The following NWD1 variants were observed in gnomAD, a reference collection of about 807,000 sequenced individuals.
NWD1 encodes NACHT and WD repeat domain containing 1.
NWD1 carries 129 observed loss-of-function variants against 135.1 expected under a neutral mutation model. The observed-to-expected ratio is 0.96, with a 90% CI of 0.83 to 1.11. The LOEUF (loss-of-function observed/expected upper bound fraction) is 1.11, where lower values mean the gene tolerates loss of function less well. Among genes scored for constraint, NWD1 ranks in the 50% least tolerant of loss-of-function variants. The pLI is 0.00. For synonymous variants in NWD1, 773 were observed against 786.0 expected (o/e 0.98, Z 0.28); for missense variants, 1,740 against 1,851.3 (o/e 0.94, Z 1.10).
Position 16,750,054 on chromosome 19 carries a change from G to C in NWD1, c.1412G>C (p.Gly471Ala), listed in dbSNP as rs1457255861. The change falls in exon 6 of 19, where the codon GGG (glycine) becomes GCG (alanine). Residue 471 changes from glycine to alanine, a missense_variant. By Grantham distance (60) the Gly-to-Ala change is moderately conservative (BLOSUM62 0). Coordinates refer to ENST00000524140, the MANE Select transcript of NWD1 (RefSeq NM_001007525.5). ...RVHLILSACS[G>A]ALGVLDTLQR... ...CACCTCATCCTCTCAGCTTGCTCGG[G>C]GGCACTGGGGGTTTTGGACACCTTG... is the stretch of plus-strand genomic sequence containing the variant. The C allele has an allele frequency of 3.7e-6, 6 of 1,613,914 alleles. No homozygotes were observed. The highest frequency in any genetic ancestry group is 5.1e-6 in the Non-Finnish European group (6 of 1,179,984).
intron 8 of NWD1, 72 bp from the exon 9 acceptor site, chr19:16,763,752 GTGAA>G (rs1238785844): frequency 7.7e-6 from 7 of 909,106 alleles, no homozygotes; most frequent in Non-Finnish European, 1.3e-5. Flanking sequence ...GGAGCATGAG[GTGAA>G]TGAATGGGCT....
At chr19:16,793,650 C>T (rs1218719679) in intron 14 of NWD1, among the ~76,000 whole-genome samples, 1 of 151,180 alleles carries the variant, frequency 6.6e-6, no homozygotes, top group Non-Finnish European at 1.5e-5. Context: ...AATCTCGGCT[C>T]ACTGAAACCT....
chr19:16,771,548 CAGG>C (rs1391400231), intron 10 of NWD1, among the ~76,000 whole-genome samples: 1 of 152,198 alleles, frequency 6.6e-6, no homozygotes, highest in Non-Finnish European at 1.5e-5. Context: ...AGGCGCTCGC[CAGG>C]AGTTGTAAAC....
chr19:16,787,901 AATAATCATCATCATC>A (rs1473425075), intron 12 of NWD1, among the ~76,000 whole-genome samples: 212 of 84,306 alleles, frequency 2.5e-3, no homozygotes, highest in African/African-American at 0.011. Flanking sequence ...TAATAATAAT[AATAATCATCATCATC>A]ATCATCATCA....
intron 6 of NWD1, among the ~76,000 whole-genome samples, chr19:16,754,891 C>T (rs766524629): frequency 2.6e-5 from 4 of 152,138 alleles, no homozygotes; most frequent in South Asian, 2.1e-4. Context: ...TCCACCCATC[C>T]GTCATATCTA....
At chr19:16,801,634 T>G (rs1355990934) in intron 17 of NWD1, 1 of 152,024 alleles carries the variant, frequency 6.6e-6, no homozygotes, top group Non-Finnish European at 1.5e-5. Flanking sequence ...TAGGATCACT[T>G]GAGCCCAGGA....
At chr19:16,751,172 C>T (rs184056429) in intron 6 of NWD1, among the ~76,000 whole-genome samples, 137 of 148,304 alleles carry the variant, frequency 9.2e-4, no homozygotes, top group African/African-American at 3.2e-3. Flanking sequence ...TGCCGTGAGC[C>T]GAGATCACGC....
At chr19:16,804,204 G>A (rs1422352134) in intron 17 of NWD1, among the ~76,000 whole-genome samples, 1 of 152,134 alleles carries the variant, frequency 6.6e-6, no homozygotes, top group Admixed American at 6.6e-5. Context: ...CATTCCATGG[G>A]GAGCCCTGGA....
chr19:16,751,154 G>C (rs1968560876), intron 6 of NWD1, among the ~76,000 whole-genome samples: 1 of 151,478 alleles, frequency 6.6e-6, no homozygotes, highest in African/African-American at 2.4e-5. Flanking sequence ...AATCCGGGAG[G>C]TGGAGGTTGC....
chr19:16,789,142 T>G lies in NWD1; in HGVS notation c.2892T>G (p.Leu964=), dbSNP rs1428707465. 1 of 1,614,002 alleles carries G rather than the reference T, an allele frequency of 6.2e-7. No individual in the cohort carries two copies. Among genetic ancestry groups the G allele is most frequent in the African/African-American group, 1.3e-5 (1 of 74,922 alleles). ...KNPAEPQIWN[L]HVDEAHKVVY... Reference sequence around the variant, plus strand: ...CCGCTGAACCTCAGATCTGGAACCTTCATGTGGATGAGGCACACAAAGTTG... The same window carrying G: ...CCGCTGAACCTCAGATCTGGAACCTGCATGTGGATGAGGCACACAAAGTTG... Residue 964 remains leucine, a synonymous_variant, in exon 13 of 19, where the codon CTT becomes CTG. Transcript: ENST00000524140.
intron 5 of NWD1, among the ~76,000 whole-genome samples, chr19:16,746,756 C>T (rs1968338869): frequency 6.6e-6 from 1 of 151,256 alleles, no homozygotes; most frequent in Non-Finnish European, 1.5e-5. Context: ...TGTTTTCTTA[C>T]AATCAAGTAA....
Position 16,759,186 on chromosome 19 carries a change from A to T in NWD1, c.1770-39A>T, listed in dbSNP as rs375902245. On this transcript the variant is annotated intron_variant, in intron 6 of 18. Transcript: ENST00000524140. Reference sequence around the variant, plus strand: ...TCTGCATCCTCCAAATGCAGAAGACATGAGATGTGCCTCAAAGCCCCACTG... The same window carrying T: ...TCTGCATCCTCCAAATGCAGAAGACTTGAGATGTGCCTCAAAGCCCCACTG... 14 of 1,532,984 alleles carry T rather than the reference A, an allele frequency of 9.1e-6. No homozygotes were observed. In the African/African-American group the frequency reaches 1.6e-4, roughly 18 times the overall value. The allele number at this position is 1,532,984 out of a possible 1,614,324, so 95.0% of individuals were successfully genotyped here. A position where few individuals can be genotyped will look rare whatever the true frequency, so the allele number is the denominator to read the frequency against.
rs1967086609 is a variant in NWD1 at position 16,720,188 on chromosome 19, T to A, written c.-210T>A. The A allele has an allele frequency of 6.6e-6, 1 of 152,206 alleles. No individual in the cohort carries two copies. The highest frequency in any genetic ancestry group is 6.6e-5 in the Admixed American group (1 of 15,250). The allele number at this position is 152,206 out of a possible 1,614,324, so 9.4% of individuals were successfully genotyped here. A position where few individuals can be genotyped will look rare whatever the true frequency, so the allele number is the denominator to read the frequency against. On this transcript the variant is annotated 5_prime_UTR_variant, in exon 1 of 19. Coordinates refer to ENST00000524140, the MANE Select transcript of NWD1 (RefSeq NM_001007525.5). The stretch of plus-strand genomic sequence containing the variant: ...TGATGATAATTTACTGAGCACCTAC[T>A]ATGTGCCAGGCACGCCAGCCTTACC...
At chr19:16,780,567 G>T (rs1376401876) in intron 12 of NWD1, among the ~76,000 whole-genome samples, 1 of 152,202 alleles carries the variant, frequency 6.6e-6, no homozygotes, top group South Asian at 2.1e-4. Context: ...ATTCACAAGA[G>T]CAGTCCAGTA....
In NWD1 at chr19:16,815,707, A is replaced by T. The variant is rs1012427732; in HGVS notation, c.*668A>T. The T allele has an allele frequency of 1.1e-5, 2 of 180,908 alleles. No individual in the cohort carries two copies. The highest frequency in any genetic ancestry group is 4.8e-5 in the African/African-American group (2 of 41,926). The allele number at this position is 180,908 out of a possible 1,614,324, so 11.2% of individuals were successfully genotyped here. A position where few individuals can be genotyped will look rare whatever the true frequency, so the allele number is the denominator to read the frequency against. Reference sequence around the variant, plus strand: ...GAGCTCTAATCGGCTAGACTGATCCAATGTCCACCACTGGGACTGAGAATA... The same window carrying T: ...GAGCTCTAATCGGCTAGACTGATCCTATGTCCACCACTGGGACTGAGAATA... On this transcript the variant is annotated 3_prime_UTR_variant, in exon 19 of 19. Coordinates refer to ENST00000524140, the MANE Select transcript of NWD1 (RefSeq NM_001007525.5).
At chr19:16,725,008 ATTTTTTAT>A (rs1967272227) in intron 2 of NWD1, among the ~76,000 whole-genome samples, 1 of 78,324 alleles carries the variant, frequency 1.3e-5, no homozygotes. Flanking sequence ...ATTTTTATTT[ATTTTTTAT>A]TTTTTTATTT....
At chr19:16,809,018 T>G (rs1287198171) in intron 18 of NWD1, among the ~76,000 whole-genome samples, 1 of 152,140 alleles carries the variant, frequency 6.6e-6, no homozygotes, top group Non-Finnish European at 1.5e-5. Context: ...CGGATGCCAC[T>G]GCTCTCTAGC....
intron 6 of NWD1, among the ~76,000 whole-genome samples, chr19:16,750,780 A>G (rs959679858): frequency 2.6e-5 from 4 of 152,200 alleles, no homozygotes; most frequent in African/African-American, 9.6e-5. Flanking sequence ...AGCTGGGACT[A>G]CAGGCATGCA....
intron 4 of NWD1, among the ~76,000 whole-genome samples, chr19:16,743,507 C>CGA (rs1968172280): frequency 6.6e-6 from 1 of 151,998 alleles, no homozygotes; most frequent in African/African-American, 2.4e-5. Flanking sequence ...CATGCCTAGC[C>CGA]TAGGGGACAA....
Sources: allele counts gnomAD v4.1 joint callset (sites outside exome capture counted in the v4.1 genomes callset), GRCh38; gene constraint gnomAD v4.1.1; transcripts MANE v1.5; gene names NCBI Gene and HGNC (gene_info 2026-07-23, HGNC 2026-07-21).